Variants in MORC2 observed in about 807,000 individuals in gnomAD.
MORC2 encodes the protein MORC family CW-type zinc finger 2.
MORC2 carries 30 observed loss-of-function variants against 136.0 expected under a neutral mutation model. The observed-to-expected ratio is 0.22, with a 90% CI of 0.17 to 0.30. MORC2 has a LOEUF of 0.30. Among genes scored for constraint, MORC2 ranks in the 10% least tolerant of loss-of-function variants. The pLI, the probability that MORC2 is intolerant of heterozygous loss-of-function variation, is 1.00. For synonymous variants in MORC2, 439 were observed against 487.0 expected, an observed-to-expected ratio of 0.90 and a Z score of 1.30; for missense variants, 922 against 1,333.1, an observed-to-expected ratio of 0.69 and a Z score of 4.80.
intron 3 of MORC2, among the ~76,000 whole-genome samples, chr22:30,952,255 C>T (rs2040899623): frequency 6.6e-6 from 1 of 152,152 alleles, no homozygotes; most frequent in South Asian, 2.1e-4. Context: ...TAAACCTAGC[C>T]AAGAGCCATT....
intron 24 of MORC2, among the ~76,000 whole-genome samples, chr22:30,931,065 C>G (rs2040569478): frequency 1.3e-5 from 2 of 152,204 alleles, no homozygotes; most frequent in Admixed American, 6.5e-5. Context: ...CCTTTCACCC[C>G]CAAGCCCACT....
chr22:30,943,561 T>C (rs1227451629), intron 6 of MORC2, among the ~76,000 whole-genome samples: 2 of 152,214 alleles, frequency 1.3e-5, no homozygotes, highest in African/African-American at 4.8e-5. Flanking sequence ...TCGGTGGTTA[T>C]GAGGCCGCAG....
chr22:30,938,212 A>ACTGC lies in MORC2; in HGVS notation c.1074-8_1074-7insGCAG. ...CTTAGGTTCTTTAAGTGCTCTAAGA[A>ACTGC]GACAAAAAAACTCAAGCAGATCTAC... On this transcript the variant is annotated splice_polypyrimidine_tract_variant and splice_region_variant and intron_variant, in intron 12 of 25. Transcript: ENST00000397641. 6.2e-7 allele frequency: 1 copy of ACTGC among 1,609,312 alleles called. No individual in the cohort carries two copies. The highest frequency in any genetic ancestry group is 1.1e-5 in the South Asian group (1 of 90,638).
Position 30,941,360 on chromosome 22 carries a change from A to T in MORC2, c.824+73T>A, listed in dbSNP as rs2040738778. ...GAGCCTCTTATACAGCATCCCTCTA[A>T]CAATGCCCCAGAGAAACGCGGCCAC... On this transcript the variant is annotated intron_variant, in intron 9 of 25. Coordinates refer to ENST00000397641, the MANE Select transcript of MORC2 (RefSeq NM_001303256.3). This position sits in a 1 kb window ranked among gnomAD's most constrained non-coding sequence, Gnocchi z 4.6. 4 of 1,580,926 alleles carry T rather than the reference A, an allele frequency of 2.5e-6. No homozygotes were observed. The highest frequency in any genetic ancestry group is 3.4e-6 in the Non-Finnish European group (4 of 1,162,818).
rs542992461 is a variant in MORC2, at chr22:30,926,869, G to A, written c.3033C>T (p.Asp1011=). The change falls in exon 26 of 26, where the codon GAC becomes GAT. Residue 1011 remains aspartate, a splice_region_variant and synonymous_variant. Coordinates refer to ENST00000397641, the MANE Select transcript of MORC2 (RefSeq NM_001303256.3). ...IVALLQKVQE[D]IDINTDDELD... is the part of the protein sequence containing the mutation. Reference sequence around the variant, plus strand: ...GCTCATCATCTGTGTTGATGTCTATGTCCTGGAATAGAGCAGGGTAGGGAT... The same window carrying A: ...GCTCATCATCTGTGTTGATGTCTATATCCTGGAATAGAGCAGGGTAGGGAT... 1 of 1,612,928 alleles carries A rather than the reference G, an allele frequency of 6.2e-7. No individual in the cohort carries two copies. The highest frequency in any genetic ancestry group is 1.1e-5 in the South Asian group (1 of 91,004).
chr22:30,943,758 G>A (rs952610841), intron 6 of MORC2, among the ~76,000 whole-genome samples: 24 of 152,034 alleles, frequency 1.6e-4, no homozygotes, highest in Non-Finnish European at 2.6e-4. Context: ...TTTTTGAGAC[G>A]GAGTCTTGCT....
At chr22:30,939,795 A>T in intron 11 of MORC2, 89 bp from the exon 12 acceptor site, 1 of 1,408,858 alleles carries the variant, frequency 7.1e-7, no homozygotes, top group Non-Finnish European at 9.7e-7. Flanking sequence ...ATCTCAATTT[A>T]TCTCAAAGAT....
rs2041155907 is a variant in MORC2 at position 30,968,041 on chromosome 22, T to C, written c.-152A>G. 3 of 600,238 alleles carry C rather than the reference T, an allele frequency of 5.0e-6. No homozygotes were observed. The highest frequency in any genetic ancestry group is 8.8e-6 in the Non-Finnish European group (3 of 339,194). The allele number at this position is 600,238 out of a possible 1,614,324, so 37.2% of individuals were successfully genotyped here. A position where few individuals can be genotyped will look rare whatever the true frequency, so the allele number is the denominator to read the frequency against. Reference sequence around the variant, plus strand: ...TAACCTAGTAGCTATCCAAAATATATGCAGAGATGTTTAAAACTACAATTT... The same window carrying C: ...TAACCTAGTAGCTATCCAAAATATACGCAGAGATGTTTAAAACTACAATTT... On this transcript the variant is annotated 5_prime_UTR_variant, in exon 1 of 26. Coordinates refer to ENST00000397641, the MANE Select transcript of MORC2 (RefSeq NM_001303256.3).
intron 6 of MORC2, among the ~76,000 whole-genome samples, chr22:30,944,111 G>C (rs1363171946): frequency 6.6e-6 from 1 of 152,142 alleles, no homozygotes; most frequent in Admixed American, 6.6e-5. Context: ...CCCAAGGGCT[G>C]GTCTGGACAC....
At chr22:30,945,117 C>T (rs1191513073) in intron 6 of MORC2, among the ~76,000 whole-genome samples, 1 of 152,226 alleles carries the variant, frequency 6.6e-6, no homozygotes, top group East Asian at 1.9e-4. Flanking sequence ...GCTGCTTCTA[C>T]TGACTTCCAT....
intron 9 of MORC2, 75 bp from the exon 10 acceptor site, chr22:30,940,912 C>T (rs368473847): frequency 1.7e-6 from 2 of 1,152,742 alleles, no homozygotes; most frequent in African/African-American, 1.5e-5. Context: ...CAGGAAGCAC[C>T]CTGCCTTCCT....
At position 30,949,617 on chromosome 22, in the gene MORC2, C is replaced by T. The variant is rs568699980; in HGVS notation, c.317+135G>A. The T allele has an allele frequency of 3.8e-5, 29 of 756,954 alleles. 1 individual carries two copies. The highest frequency in any genetic ancestry group is 1.5e-4 in the South Asian group (9 of 58,774). 46.9% of individuals were successfully genotyped at this position (756,954 alleles called of 1,614,324 possible). On this transcript the variant is annotated intron_variant, in intron 5 of 25. Transcript: ENST00000397641. Reference sequence around the variant, plus strand: ...GCTGGTAAGCTACTCCAGAAACCACCACTTTCTGACTTCTTCCAGTTCCAG... The same window carrying T: ...GCTGGTAAGCTACTCCAGAAACCACTACTTTCTGACTTCTTCCAGTTCCAG...
At chr22:30,949,287 C>T (rs1311766753) in intron 5 of MORC2, among the ~76,000 whole-genome samples, 1 of 152,160 alleles carries the variant, frequency 6.6e-6, no homozygotes, top group Non-Finnish European at 1.5e-5. Context: ...ATTCAGCATC[C>T]TCTGGGACGG....
intron 1 of MORC2, 179 bp downstream of exon 1, chr22:30,967,643 A>G (rs2041149061): frequency 7.2e-7 from 1 of 1,391,916 alleles, no homozygotes; most frequent in Non-Finnish European, 9.3e-7. Flanking sequence ...TGGATTAGCA[A>G]CAAGTATTTC....
In MORC2 at chr22:30,968,245, T is replaced by C. The variant is rs1292042129; in HGVS notation, c.-356A>G. On this transcript the variant is annotated 5_prime_UTR_variant, in exon 1 of 26. Transcript: ENST00000397641. ...AGATGGTCCTTGAGTGGGTGGTTTA[T>C]GACTGCTCCATCTTCATGTTCTTCC... is the stretch of plus-strand genomic sequence containing the variant. The C allele has an allele frequency of 1.2e-5, 2 of 173,742 alleles. No individual in the cohort carries two copies. Among genetic ancestry groups the C allele is most frequent in the Admixed American group, 6.2e-5 (1 of 16,140 alleles). The allele number at this position is 173,742 out of a possible 1,614,324, so 10.8% of individuals were successfully genotyped here. A position where few individuals can be genotyped will look rare whatever the true frequency, so the allele number is the denominator to read the frequency against.
chr22:30,950,338 C>CAG, intron 4 of MORC2, 39 bp downstream of exon 4: 1 of 695,182 alleles, frequency 1.4e-6, no homozygotes, highest in Non-Finnish European at 2.6e-6. Context: ...GGTTACATCG[C>CAG]ACCCCCCCAC....
At position 30,941,395 on chromosome 22, in the gene MORC2, C is replaced by T; in HGVS notation, c.824+38G>A. The T allele has an allele frequency of 1.2e-6, 2 of 1,609,734 alleles. No homozygotes were observed. The highest frequency in any genetic ancestry group is 2.2e-5 in the East Asian group (1 of 44,754). On this transcript the variant is annotated intron_variant, in intron 9 of 25. Transcript: ENST00000397641. This position sits in a 1 kb window ranked among gnomAD's most constrained non-coding sequence, Gnocchi z 4.6. ...AGAGAAACGCGGCCACATCCTCGAC[C>T]CATGGGAGACAGCAGGCCAAGGGGC...
At chr22:30,967,251 A>G (rs1755361400) in intron 1 of MORC2, 1 of 986,046 alleles carries the variant, frequency 1.0e-6, no homozygotes, top group Non-Finnish European at 1.2e-6. Flanking sequence ...AATTTTGGGG[A>G]AAGACTATCT....
rs2040622321 is a variant in MORC2, at chr22:30,934,374, A to G, written c.2194-183T>C. 6.6e-6 allele frequency among the ~76,000 whole-genome samples: 1 copy of G among 152,144 alleles called. No homozygotes were observed. Among genetic ancestry groups the G allele is most frequent in the Non-Finnish European group, 1.5e-5 (1 of 68,014 alleles). ...CCTGCGCCATAAGGATTTTTGCTCA[A>G]AGCTATCATAGGAGAAGCTTCTCAA... On this transcript the variant is annotated intron_variant, in intron 19 of 25. Coordinates refer to ENST00000397641, the MANE Select transcript of MORC2 (RefSeq NM_001303256.3). The surrounding 1 kb of genome is among the most constrained non-coding windows in gnomAD (Gnocchi z 4.4).
Sources: gnomAD v4.1 joint callset for allele counts (sites outside exome capture counted in the v4.1 genomes callset) on GRCh38, gnomAD v4.1.1 for gene constraint, Gnocchi (gnomAD v3.1) non-coding constraint, MANE v1.5 for transcripts, NCBI Gene and HGNC (gene_info 2026-07-23, HGNC 2026-07-21) for gene names.